The following CNTN4 variants were observed in gnomAD, a reference collection of about 807,000 sequenced individuals.
The protein encoded by CNTN4 is contactin 4, also known as contactin-4.
A neutral mutation model predicts 122.5 loss-of-function variants in CNTN4; 77 were observed. That is an observed-to-expected ratio of 0.63 (90% CI 0.52 to 0.76). CNTN4 has a LOEUF of 0.76. Ranked by LOEUF, CNTN4 falls within the 30% of genes least tolerant of loss-of-function variation. The pLI, the probability that CNTN4 is intolerant of heterozygous loss-of-function variation, is 0.00. For missense variants in CNTN4, 1,256 were observed against 1,259.1 expected (o/e 1.00, Z 0.04); for synonymous variants, 512 against 447.0 (o/e 1.15, Z -1.83).
intron 8 of CNTN4, among the ~76,000 whole-genome samples, chr3:2,869,872 G>A (rs1259854172): frequency 6.6e-6 from 1 of 152,192 alleles, no homozygotes; most frequent in Non-Finnish European, 1.5e-5. Flanking sequence ...TCTGTCAAAA[G>A]CTATCAGTGC....
chr3:2,701,453 C>T (rs1285478031), intron 4 of CNTN4, among the ~76,000 whole-genome samples: 6 of 152,154 alleles, frequency 3.9e-5, no homozygotes, highest in Admixed American at 2.0e-4. Context: ...GTGGTTTTCC[C>T]CCCAGCGTGG....
intron 2 of CNTN4, among the ~76,000 whole-genome samples, chr3:2,114,459 C>G (rs2033197262): frequency 6.6e-6 from 1 of 151,700 alleles, no homozygotes; most frequent in Admixed American, 6.6e-5. Context: ...GACCTTGTCT[C>G]AAAAAATAAA....
intron 2 of CNTN4, among the ~76,000 whole-genome samples, chr3:2,317,196 G>T (rs1025880620): frequency 1.3e-5 from 2 of 152,156 alleles, no homozygotes; most frequent in Non-Finnish European, 2.9e-5. Context: ...AGCGTTGCCC[G>T]CTGAATCTAG....
intron 13 of CNTN4, among the ~76,000 whole-genome samples, chr3:2,978,322 A>G (rs1031449659): frequency 6.6e-6 from 1 of 152,162 alleles, no homozygotes; most frequent in African/African-American, 2.4e-5. Context: ...TCCCGGCCCC[A>G]TGTACTCAGG....
intron 6 of CNTN4, among the ~76,000 whole-genome samples, chr3:2,772,280 G>A (rs191713548): frequency 1.4e-4 from 21 of 151,986 alleles, no homozygotes; most frequent in Middle Eastern, 3.4e-3. Context: ...CAATATCGCA[G>A]GCAAGAAATA....
At chr3:2,499,818 G>A (rs2076548397) in intron 3 of CNTN4, among the ~76,000 whole-genome samples, 1 of 151,894 alleles carries the variant, frequency 6.6e-6, no homozygotes, top group South Asian at 2.1e-4. Context: ...ATATTTCTTT[G>A]GGGAAAATTG....
intron 12 of CNTN4, among the ~76,000 whole-genome samples, chr3:2,923,607 G>A (rs2094447905): frequency 6.6e-6 from 1 of 152,188 alleles, no homozygotes. Flanking sequence ...CAACATGGGA[G>A]TGCTTATTGC....
chr3:2,735,979 G>T (rs1173476508), intron 4 of CNTN4: 2 of 635,998 alleles, frequency 3.1e-6, no homozygotes, highest in South Asian at 2.8e-5. Context: ...CCTGGAAGTT[G>T]TTAGTAAAAT....
chr3:2,511,991 A>G (rs1163094269), intron 3 of CNTN4, among the ~76,000 whole-genome samples: 1 of 152,166 alleles, frequency 6.6e-6, no homozygotes, highest in Admixed American at 6.5e-5. Flanking sequence ...GCATATATTT[A>G]TCTTCTTCTG....
At chr3:2,185,292 C>G (rs2037198175) in intron 2 of CNTN4, among the ~76,000 whole-genome samples, 1 of 152,190 alleles carries the variant, frequency 6.6e-6, no homozygotes, top group Admixed American at 6.5e-5. Flanking sequence ...ACCACGGTCT[C>G]TCTCTTCCTC....
intron 14 of CNTN4, among the ~76,000 whole-genome samples, chr3:2,991,106 T>G (rs911912471): frequency 2.6e-5 from 4 of 152,212 alleles, no homozygotes; most frequent in Non-Finnish European, 5.9e-5. Context: ...GAGGACAATT[T>G]CCAGGAGAGT....
intron 14 of CNTN4, among the ~76,000 whole-genome samples, chr3:3,022,212 C>G (rs1000372822): frequency 6.6e-6 from 1 of 152,000 alleles, no homozygotes; most frequent in Admixed American, 6.6e-5. Flanking sequence ...CCTCTGCACT[C>G]CAACCTCAGG....
intron 2 of CNTN4, among the ~76,000 whole-genome samples, chr3:2,146,898 T>A (rs550612330): frequency 2.8e-4 from 43 of 152,294 alleles, no homozygotes; most frequent in African/African-American, 9.9e-4. Context: ...GTTTTGTTTT[T>A]TTGAGACGGA....
At chr3:2,763,888 T>C (rs1418650267) in intron 6 of CNTN4, among the ~76,000 whole-genome samples, 1 of 152,176 alleles carries the variant, frequency 6.6e-6, no homozygotes, top group East Asian at 1.9e-4. Context: ...ACTGTGTCCC[T>C]ATAGTATAGT....
At chr3:2,767,423 A>G (rs1244028972) in intron 6 of CNTN4, among the ~76,000 whole-genome samples, 2 of 152,250 alleles carry the variant, frequency 1.3e-5, no homozygotes, top group Admixed American at 6.5e-5. Context: ...GATTTTTAAA[A>G]TAAACGAATT....
Position 2,956,735 on chromosome 3 carries a change from G to A in CNTN4, c.1358+30956G>A, listed in dbSNP as rs1235822282. Among the ~76,000 whole-genome samples, 6 of 151,870 alleles carry A rather than the reference G, an allele frequency of 4.0e-5. No homozygotes were observed. The East Asian group carries it at 7.7e-4, about 19-fold the overall frequency. Reference sequence around the variant, plus strand: ...TCACCAGATTGTACATTAGACCCCCGGAATTGTTCATCTTATAACTGCAAT... The same window carrying A: ...TCACCAGATTGTACATTAGACCCCCAGAATTGTTCATCTTATAACTGCAAT... On this transcript the variant is annotated intron_variant, in intron 13 of 24. Transcript: ENST00000418658.
In CNTN4 at chr3:2,709,655, T is replaced by A. The variant is rs1472381393; in HGVS notation, c.56-26560T>A. Among the ~76,000 whole-genome samples, 4 of 152,236 alleles carry A rather than the reference T, an allele frequency of 2.6e-5. No individual in the cohort carries two copies. On this transcript the variant is annotated intron_variant, in intron 4 of 24. Coordinates refer to ENST00000418658, the MANE Select transcript of CNTN4 (RefSeq NM_175607.3). The surrounding 1 kb of genome is among the most constrained non-coding windows in gnomAD (Gnocchi z 5.0). ...GTGGCTGGGTGCGGTGGCTCTCACCTGTAACCGCAGCACTTTGGGAGGCTG... is the reference window on the plus strand; with the variant it reads ...GTGGCTGGGTGCGGTGGCTCTCACCAGTAACCGCAGCACTTTGGGAGGCTG...
chr3:2,301,422 G>A (rs536656098), intron 2 of CNTN4, among the ~76,000 whole-genome samples: 2 of 152,240 alleles, frequency 1.3e-5, no homozygotes, highest in Admixed American at 6.5e-5. Flanking sequence ...AAGAAAGCTT[G>A]TAATACGCTT....
intron 6 of CNTN4, among the ~76,000 whole-genome samples, chr3:2,770,074 A>G (rs527385515): frequency 1.3e-5 from 2 of 150,690 alleles, no homozygotes; most frequent in Non-Finnish European, 2.9e-5. Context: ...CTCTTGCCCA[A>G]GCTGGAGTGC....
Sources: allele counts gnomAD v4.1 joint callset (sites outside exome capture counted in the v4.1 genomes callset), GRCh38; gene constraint gnomAD v4.1.1; non-coding constraint Gnocchi (gnomAD v3.1); transcripts MANE v1.5; gene names NCBI Gene and HGNC (gene_info 2026-07-23, HGNC 2026-07-21).